ZMYND8: variants seen among roughly 807,000 people sequenced by gnomAD.
ZMYND8 encodes zinc finger MYND-type containing 8, also known as MYND-type zinc finger-containing chromatin reader ZMYND8.
A neutral mutation model predicts 140.8 loss-of-function variants in ZMYND8; 37 were observed. The observed-to-expected ratio is 0.26, with a 90% CI of 0.20 to 0.35. The LOEUF (loss-of-function observed/expected upper bound fraction) is 0.35. Among genes scored for constraint, ZMYND8 ranks in the 10% least tolerant of loss-of-function variants. The pLI is 1.00. For synonymous variants in ZMYND8, 592 were observed against 597.1 expected (o/e 0.99, Z 0.12); for missense variants, 1,068 against 1,570.0 (o/e 0.68, Z 5.40).
chr20:47,246,412 T>C lies in ZMYND8; in HGVS notation c.1880A>G (p.Glu627Gly). The change falls in exon 14 of 23, where the codon GAG (glutamate) becomes GGG (glycine). Residue 627 changes from glutamate to glycine, a missense_variant. By Grantham distance (98) the Glu-to-Gly change is moderately conservative (BLOSUM62 -2). Coordinates refer to ENST00000471951, the MANE Select transcript of ZMYND8 (RefSeq NM_001281775.3). ...SSDSEYISDD[E>G]QKSKNEPEDT... ...TTCTGGCTCGTTCTTAGACTTCTGC[T>C]CATCATCACTGATATACTCACTATC... 2 of 1,614,148 alleles carry C rather than the reference T, an allele frequency of 1.2e-6. No homozygotes were observed. The highest frequency in any genetic ancestry group is 1.7e-6 in the Non-Finnish European group (2 of 1,180,026).
intron 3 of ZMYND8, among the ~76,000 whole-genome samples, chr20:47,304,894 T>C (rs962717072): frequency 1.3e-5 from 2 of 152,036 alleles, no homozygotes; most frequent in East Asian, 1.9e-4. Flanking sequence ...AAACTGGCAA[T>C]CCCTGCACTC....
At chr20:47,247,134 C>G (rs547098638) in intron 13 of ZMYND8, among the ~76,000 whole-genome samples, 3 of 152,346 alleles carry the variant, frequency 2.0e-5, no homozygotes, top group African/African-American at 7.2e-5. Flanking sequence ...TGGTTTGGCC[C>G]ACAGGGTATC....
At chr20:47,304,590 C>T (rs1386156297) in intron 3 of ZMYND8, among the ~76,000 whole-genome samples, 1 of 152,174 alleles carries the variant, frequency 6.6e-6, no homozygotes, top group Non-Finnish European at 1.5e-5. Flanking sequence ...ACGATGAGGA[C>T]CATAGACTCC....
chr20:47,253,167 C>T (rs1038718630), intron 12 of ZMYND8, among the ~76,000 whole-genome samples: 2 of 152,204 alleles, frequency 1.3e-5, no homozygotes, highest in Admixed American at 6.5e-5. Context: ...TTTAGAAAAT[C>T]CTGAGGCCTG....
chr20:47,228,296 T>C (rs2037986486), intron 17 of ZMYND8, among the ~76,000 whole-genome samples: 1 of 152,098 alleles, frequency 6.6e-6, no homozygotes, highest in African/African-American at 2.4e-5. Context: ...ACAACAGAAA[T>C]TATCTGGTTC....
chr20:47,318,908 C>T (rs764276486), intron 2 of ZMYND8: 10 of 1,319,978 alleles, frequency 7.6e-6, no homozygotes, highest in Non-Finnish European at 7.0e-6. Context: ...ACCTCGGAGG[C>T]AGAACATGCG....
At chr20:47,214,001 C>A (rs1197292166) in intron 21 of ZMYND8, among the ~76,000 whole-genome samples, 2 of 152,124 alleles carry the variant, frequency 1.3e-5, no homozygotes, top group Non-Finnish European at 2.9e-5. Flanking sequence ...AAAAGATGAA[C>A]AGGAGAGGCC....
chr20:47,345,972 T>C (rs1030760566), intron 2 of ZMYND8, among the ~76,000 whole-genome samples: 4 of 152,176 alleles, frequency 2.6e-5, no homozygotes, highest in Non-Finnish European at 5.9e-5. Flanking sequence ...TCCACGTTTT[T>C]GAAGCGCATT....
At chr20:47,304,807 A>G (rs999688101) in intron 3 of ZMYND8, among the ~76,000 whole-genome samples, 1 of 152,210 alleles carries the variant, frequency 6.6e-6, no homozygotes, top group Non-Finnish European at 1.5e-5. Context: ...CATCTTACAG[A>G]GGCAGCCCCC....
intron 1 of ZMYND8, chr20:47,351,623 C>A (rs2082787897): frequency 5.2e-6 from 5 of 968,846 alleles, no homozygotes; most frequent in Admixed American, 6.2e-5. Flanking sequence ...AAATTAAAAA[C>A]CATGCTTCCC....
intron 16 of ZMYND8, among the ~76,000 whole-genome samples, chr20:47,232,791 G>A (rs758858782): frequency 1.7e-4 from 26 of 152,148 alleles, no homozygotes; most frequent in Non-Finnish European, 3.2e-4. Flanking sequence ...AAAATTACCC[G>A]CTTTCAATTC....
chr20:47,223,020 AG>A (rs1217794498), intron 19 of ZMYND8, among the ~76,000 whole-genome samples: 2 of 152,224 alleles, frequency 1.3e-5, no homozygotes, highest in African/African-American at 4.8e-5. Flanking sequence ...TCACAGAAAA[AG>A]TTTACCAACC....
chr20:47,244,386 GT>G (rs1223475271), intron 14 of ZMYND8, among the ~76,000 whole-genome samples: 1 of 152,190 alleles, frequency 6.6e-6, no homozygotes, highest in African/African-American at 2.4e-5. Context: ...TATTGAGCAT[GT>G]TGAATCCTCT....
At chr20:47,302,855 T>A (rs944613013) in intron 3 of ZMYND8, among the ~76,000 whole-genome samples, 1 of 152,136 alleles carries the variant, frequency 6.6e-6, no homozygotes, top group Non-Finnish European at 1.5e-5. Flanking sequence ...AGATGACTAC[T>A]AAAAACCTGA....
At chr20:47,228,853 G>A (rs896871130) in intron 17 of ZMYND8, among the ~76,000 whole-genome samples, 11 of 152,070 alleles carry the variant, frequency 7.2e-5, no homozygotes, top group Admixed American at 1.3e-4. Flanking sequence ...CTGATAACCC[G>A]TTTGCATCTG....
At chr20:47,331,273 G>C (rs541157365) in intron 2 of ZMYND8, among the ~76,000 whole-genome samples, 20 of 152,342 alleles carry the variant, frequency 1.3e-4, no homozygotes, top group African/African-American at 4.8e-4. Flanking sequence ...GATAGAGATA[G>C]TGAGAACAAC....
chr20:47,212,808 A>C, intron 21 of ZMYND8, 83 bp from the exon 22 acceptor site: 1 of 1,268,216 alleles, frequency 7.9e-7, no homozygotes, highest in South Asian at 1.5e-5. Context: ...ATTTTTGTTC[A>C]TCAACAGGCT....
At chr20:47,267,408 T>C (rs978227199) in intron 11 of ZMYND8, among the ~76,000 whole-genome samples, 1 of 151,356 alleles carries the variant, frequency 6.6e-6, no homozygotes, top group African/African-American at 2.4e-5. Context: ...TGGTAAATTT[T>C]ATGTTATGTG....
chr20:47,220,150 G>A (rs974404940), intron 21 of ZMYND8, 108 bp downstream of exon 21: 9 of 961,258 alleles, frequency 9.4e-6, no homozygotes, highest in Admixed American at 6.9e-5. Context: ...ATCCATAATC[G>A]TTTGGAAACC....
Sources: allele counts gnomAD v4.1 joint callset (sites outside exome capture counted in the v4.1 genomes callset), GRCh38; gene constraint gnomAD v4.1.1; transcripts MANE v1.5; gene names NCBI Gene and HGNC (gene_info 2026-07-23, HGNC 2026-07-21).